SPIRE1: variants seen among roughly 807,000 people sequenced by gnomAD.
SPIRE1 encodes the protein spire type actin nucleation factor 1.
A neutral mutation model predicts 94.1 loss-of-function variants in SPIRE1; 40 were observed. That is an observed-to-expected ratio of 0.43 (90% confidence interval 0.33 to 0.55). SPIRE1 has a LOEUF of 0.55. Among genes scored for constraint, SPIRE1 ranks in the 20% least tolerant of loss-of-function variants. The pLI, the probability that SPIRE1 is intolerant of heterozygous loss-of-function variation, is 0.06. For synonymous variants in SPIRE1, 376 were observed against 371.7 expected (o/e 1.01, Z -0.13); for missense variants, 838 against 975.2 (o/e 0.86, Z 1.87).
intron 2 of SPIRE1, among the ~76,000 whole-genome samples, chr18:12,605,115 T>C (rs1424144433): frequency 2.6e-5 from 4 of 151,902 alleles, no homozygotes; most frequent in African/African-American, 9.7e-5. Flanking sequence ...ATGGGTAGAG[T>C]TTCAGTTTTG....
intron 16 of SPIRE1, chr18:12,451,111 C>A: frequency 2.8e-6 from 1 of 353,190 alleles, no homozygotes; most frequent in Non-Finnish European, 5.2e-6. Context: ...CTCTTAACCA[C>A]CCTTCTAGAA....
At chr18:12,621,075 G>T (rs1469112436) in intron 2 of SPIRE1, among the ~76,000 whole-genome samples, 2 of 152,068 alleles carry the variant, frequency 1.3e-5, no homozygotes, top group African/African-American at 4.8e-5. Context: ...GGGAGTGGGG[G>T]GCAAAGGATC....
chr18:12,469,624 GTAAT>G (rs894920336), intron 10 of SPIRE1, among the ~76,000 whole-genome samples: 8 of 141,302 alleles, frequency 5.7e-5, no homozygotes, highest in Non-Finnish European at 1.1e-4. Context: ...TTATATAAAT[GTAAT>G]TATTTATATT....
chr18:12,658,310 C>G (rs554749966), upstream of SPIRE1: 9 of 440,306 alleles, frequency 2.0e-5, no homozygotes, highest in African/African-American at 1.9e-4. Flanking sequence ...TCGGGGGGCC[C>G]GGTCGCAAGG....
chr18:12,639,252 G>A (rs934102716), intron 1 of SPIRE1, among the ~76,000 whole-genome samples: 4 of 150,466 alleles, frequency 2.7e-5, no homozygotes, highest in Admixed American at 6.6e-5. Context: ...GCGAGACAGC[G>A]CCACTCCATC....
At chr18:12,653,933 C>T (rs375920550) in intron 1 of SPIRE1, among the ~76,000 whole-genome samples, 46 of 145,262 alleles carry the variant, frequency 3.2e-4, no homozygotes, top group African/African-American at 1.1e-3. Context: ...GCAACAAGAG[C>T]AAAACTCCGT....
intron 2 of SPIRE1, among the ~76,000 whole-genome samples, chr18:12,589,536 A>G (rs182762480): frequency 1.3e-5 from 2 of 152,296 alleles, no homozygotes; most frequent in East Asian, 3.9e-4. Flanking sequence ...GGATACATAA[A>G]ATGTTTTCCC....
chr18:12,536,933 G>A (rs776555186), intron 3 of SPIRE1, among the ~76,000 whole-genome samples: 8 of 151,950 alleles, frequency 5.3e-5, no homozygotes, highest in Non-Finnish European at 7.4e-5. Flanking sequence ...CTAAAAATAC[G>A]CATCTTATTT....
chr18:12,558,351 A>C (rs572244266), intron 2 of SPIRE1, among the ~76,000 whole-genome samples: 1 of 152,274 alleles, frequency 6.6e-6, no homozygotes, highest in South Asian at 2.1e-4. Flanking sequence ...TTCAGGAGTG[A>C]AGCTGCAGAC....
intron 2 of SPIRE1, among the ~76,000 whole-genome samples, chr18:12,575,093 TG>T (rs898758838): frequency 1.3e-5 from 2 of 152,006 alleles, no homozygotes; most frequent in African/African-American, 4.8e-5. Flanking sequence ...CAGAGGTAGG[TG>T]TTTTCAGTCT....
At chr18:12,607,923 G>T (rs2037029480) in intron 2 of SPIRE1, among the ~76,000 whole-genome samples, 1 of 152,138 alleles carries the variant, frequency 6.6e-6, no homozygotes, top group Non-Finnish European at 1.5e-5. Context: ...TTGGGAGGCT[G>T]AGGCGGGCAG....
chr18:12,598,587 G>A (rs1344447353), intron 2 of SPIRE1, among the ~76,000 whole-genome samples: 1 of 152,016 alleles, frequency 6.6e-6, no homozygotes, highest in African/African-American at 2.4e-5. Flanking sequence ...TTTCTAACAG[G>A]TCCTTACCTT....
At chr18:12,654,580 GAGCTTGCA>G (rs1473476215) in intron 1 of SPIRE1, among the ~76,000 whole-genome samples, 3 of 151,028 alleles carry the variant, frequency 2.0e-5, no homozygotes, top group Non-Finnish European at 4.4e-5. Context: ...CTGGGAGGCG[GAGCTTGCA>G]AGCTTGCAGT....
Position 12,464,853 on chromosome 18 carries a change from A to G in SPIRE1, c.1495+15T>C, listed in dbSNP as rs781505922. On this transcript the variant is annotated intron_variant, in intron 11 of 16. Coordinates refer to ENST00000409402, the MANE Select transcript of SPIRE1 (RefSeq NM_001128626.2). The stretch of plus-strand genomic sequence containing the variant: ...AAGACATCCGACTACAGCTCTTAGC[A>G]CCACAACTACTCACTCTTCCTTGTG... 1.2e-6 allele frequency: 2 copies of G among 1,606,958 alleles called. No homozygotes were observed. The highest frequency in any genetic ancestry group is 1.7e-6 in the Non-Finnish European group (2 of 1,173,866).
intron 2 of SPIRE1, among the ~76,000 whole-genome samples, chr18:12,617,405 GT>G (rs537154644): frequency 1.3e-5 from 2 of 151,590 alleles, no homozygotes; most frequent in Admixed American, 1.3e-4. Flanking sequence ...TGTTTTAGTT[GT>G]TTTTTGTTTG....
At chr18:12,641,339 T>C (rs927461301) in intron 1 of SPIRE1, among the ~76,000 whole-genome samples, 3 of 152,012 alleles carry the variant, frequency 2.0e-5, no homozygotes, top group Admixed American at 6.6e-5. Context: ...ATAAAAAAAT[T>C]TCTACAGCCT....
intron 12 of SPIRE1, among the ~76,000 whole-genome samples, chr18:12,457,263 T>G (rs77737054): frequency 0.017 from 2,536 of 152,330 alleles, 50 homozygotes; most frequent in African/African-American, 0.047. Context: ...TTTTGGAGAC[T>G]TCCCAAGGAC....
intron 5 of SPIRE1, among the ~76,000 whole-genome samples, chr18:12,509,616 A>T (rs1198604160): frequency 6.6e-6 from 1 of 152,206 alleles, no homozygotes; most frequent in Non-Finnish European, 1.5e-5. Context: ...GATATCTATC[A>T]ATAAATTAAG....
intron 2 of SPIRE1, among the ~76,000 whole-genome samples, chr18:12,607,308 C>T (rs1476572176): frequency 6.6e-6 from 1 of 152,084 alleles, no homozygotes; most frequent in Non-Finnish European, 1.5e-5. Flanking sequence ...AGACATTTTC[C>T]ATCTCAATTC....
Sources: allele counts gnomAD v4.1 joint callset (sites outside exome capture counted in the v4.1 genomes callset), GRCh38; gene constraint gnomAD v4.1.1; transcripts MANE v1.5; gene names NCBI Gene and HGNC (gene_info 2026-07-23, HGNC 2026-07-21).